The following NSMAF variants were observed in gnomAD, a reference collection of about 807,000 sequenced individuals.
NSMAF encodes neutral sphingomyelinase activation associated factor.
In NSMAF, 90 loss-of-function variants were observed where a neutral mutation model predicts 134.9. That is an observed-to-expected ratio of 0.67 (90% CI 0.56 to 0.79). NSMAF has a LOEUF of 0.79. NSMAF is among the 30% of genes least tolerant of loss of function. The probability of loss-of-function intolerance (pLI) is 0.00; values close to 1 mark genes in which losing one functional copy is unlikely to be tolerated. For missense variants in NSMAF, 1,010 were observed against 1,119.0 expected, an observed-to-expected ratio of 0.90 and a Z score of 1.39; for synonymous variants, 358 against 389.6, an observed-to-expected ratio of 0.92 and a Z score of 0.96.
At chr8:58,600,234 G>A (rs1453818670) in intron 16 of NSMAF, 10 of 568,978 alleles carry the variant, frequency 1.8e-5, no homozygotes, top group South Asian at 6.7e-5. Context: ...GTCACATGGC[G>A]GGAGTGGGCA....
At chr8:58,646,093 C>G (rs1190512985) in intron 1 of NSMAF, among the ~76,000 whole-genome samples, 1 of 152,068 alleles carries the variant, frequency 6.6e-6, no homozygotes, top group Non-Finnish European at 1.5e-5. Flanking sequence ...AAAAGTAACT[C>G]AAAAAATTAA....
intron 1 of NSMAF, among the ~76,000 whole-genome samples, chr8:58,643,614 C>T (rs1185633989): frequency 1.3e-5 from 2 of 151,916 alleles, no homozygotes; most frequent in African/African-American, 4.8e-5. Flanking sequence ...CTCAAGTAAC[C>T]TCCACCTCCC....
chr8:58,620,022 G>A lies in NSMAF; in HGVS notation c.557+3198C>T, dbSNP rs145137115. On this transcript the variant is annotated intron_variant, in intron 9 of 30. Transcript: ENST00000038176. ...CCAGAGACAAAGATACAGACGAATCGCCTAAATCTCCTTGATATAAGGCAA... is the reference window on the plus strand; with the variant it reads ...CCAGAGACAAAGATACAGACGAATCACCTAAATCTCCTTGATATAAGGCAA... Among the ~76,000 whole-genome samples, 278 of 152,250 alleles carry A rather than the reference G, an allele frequency of 1.8e-3. 1 individual carries two copies. Among genetic ancestry groups the A allele is most frequent in the Middle Eastern group, 6.8e-3 (2 of 294 alleles).
intron 26 of NSMAF, chr8:58,588,500 G>A (rs1409065173): frequency 5.9e-6 from 7 of 1,192,050 alleles, no homozygotes; most frequent in Non-Finnish European, 8.6e-6. Flanking sequence ...CAGGCTTCAC[G>A]AGATCGATTC....
chr8:58,619,537 A>T (rs2129143798), intron 9 of NSMAF, among the ~76,000 whole-genome samples: 1 of 152,326 alleles, frequency 6.6e-6, no homozygotes, highest in Non-Finnish European at 1.5e-5. Context: ...AAGATTTTGT[A>T]AATATAAAGA....
intron 24 of NSMAF, among the ~76,000 whole-genome samples, 190 bp downstream of exon 24, chr8:58,590,677 G>GT (rs1806001066): frequency 1.3e-5 from 2 of 152,204 alleles, no homozygotes; most frequent in East Asian, 3.9e-4. Context: ...AATCACAACA[G>GT]TAAGAGAAAG....
chr8:58,639,722 T>G (rs28819228), intron 2 of NSMAF, among the ~76,000 whole-genome samples: 82,748 of 151,980 alleles, frequency 0.54, 23,915 homozygotes, highest in African/African-American at 0.74. Context: ...ATTGATAGAT[T>G]AATGAATAAA....
In NSMAF at chr8:58,584,156, T is replaced by G. The variant is rs1805830901; in HGVS notation, c.2704A>C (p.Ile902Leu). 1 of 1,613,700 alleles carries G rather than the reference T, an allele frequency of 6.2e-7. No individual in the cohort carries two copies. The highest frequency in any genetic ancestry group is 8.5e-7 in the Non-Finnish European group (1 of 1,179,742). ...IWMNEQCSSI[I>L]TGGEDRQIIF... ...ATTTGTCTGTCTTCCCCTCCTGTGA[T>G]GATACTGCTACACTGTTCATTCATC... is the stretch of plus-strand genomic sequence containing the variant. Residue 902 changes from isoleucine (I) to leucine (L), a missense_variant, in exon 31 of 31, where the codon ATC (isoleucine) becomes CTC (leucine). Coordinates refer to ENST00000038176, the MANE Select transcript of NSMAF (RefSeq NM_003580.4).
At chr8:58,639,362 A>G (rs1807278294) in intron 2 of NSMAF, among the ~76,000 whole-genome samples, 1 of 152,166 alleles carries the variant, frequency 6.6e-6, no homozygotes, top group African/African-American at 2.4e-5. Context: ...GATCCTCAGC[A>G]GCCTTAATCA....
In NSMAF at chr8:58,635,191, G is replaced by A; in HGVS notation, c.331C>T (p.Gln111Ter). 6.2e-7 allele frequency: 1 copy of A among 1,607,698 alleles called. No homozygotes were observed. The highest frequency in any genetic ancestry group is 1.7e-4 in the Middle Eastern group (1 of 5,732). Residue 111 changes from glutamine (Q) to a stop codon, truncating the protein, a stop_gained and splice_region_variant, in exon 5 of 31, where the codon CAG becomes TAG. Coordinates refer to ENST00000038176, the MANE Select transcript of NSMAF (RefSeq NM_003580.4). LOFTEE classifies it high-confidence loss of function. ...KSGGISLIFS[Q>*]VYFIKEHNVV... is the part of the protein sequence containing the mutation. Reference sequence around the variant, plus strand: ...AAAAATATTTATTATGTGCTTACCTGACTGAAAATGAGTGAAATACCCCCA... The same window carrying A: ...AAAAATATTTATTATGTGCTTACCTAACTGAAAATGAGTGAAATACCCCCA...
At chr8:58,656,515 A>G (rs2129149178) in intron 1 of NSMAF, among the ~76,000 whole-genome samples, 1 of 152,304 alleles carries the variant, frequency 6.6e-6, no homozygotes, top group African/African-American at 2.4e-5. Flanking sequence ...TTTCAGATAA[A>G]TAATATACTT....
intron 28 of NSMAF, 98 bp from the exon 29 acceptor site, chr8:58,586,098 C>T: frequency 1.1e-6 from 1 of 927,016 alleles, no homozygotes; most frequent in Non-Finnish European, 1.7e-6. Flanking sequence ...CTAATCTCCA[C>T]ATTCGTTTTC....
At chr8:58,616,355 A>T (rs746031622) in intron 9 of NSMAF, among the ~76,000 whole-genome samples, 2 of 152,172 alleles carry the variant, frequency 1.3e-5, no homozygotes, top group Non-Finnish European at 2.9e-5. Flanking sequence ...ATAGATATAA[A>T]AATACTAGCA....
intron 14 of NSMAF, 53 bp downstream of exon 14, chr8:58,602,005 A>T (rs1806294115): frequency 2.2e-6 from 3 of 1,372,108 alleles, no homozygotes; most frequent in Non-Finnish European, 3.1e-6. Context: ...ATAAAAACAC[A>T]GGCCATGGCT....
At chr8:58,589,410 T>C (rs757321184) in intron 26 of NSMAF, 42 bp downstream of exon 26, 2 of 1,410,928 alleles carry the variant, frequency 1.4e-6, no homozygotes, top group Non-Finnish European at 1.9e-6. Context: ...ATATGCCATA[T>C]AGCACACCAA....
chr8:58,600,400 G>A (rs761865616), intron 16 of NSMAF, among the ~76,000 whole-genome samples: 11 of 151,954 alleles, frequency 7.2e-5, no homozygotes, highest in Non-Finnish European at 1.5e-4. Context: ...CAAGGCGGGT[G>A]GATCACGAAG....
intron 1 of NSMAF, 127 bp downstream of exon 1, chr8:58,659,446 C>T (rs1486648319): frequency 2.0e-6 from 3 of 1,494,168 alleles, no homozygotes; most frequent in East Asian, 5.5e-5. Flanking sequence ...GCCCTGGACA[C>T]GCGTCCGGCC....
intron 6 of NSMAF, among the ~76,000 whole-genome samples, chr8:58,628,757 AGTCCTTATCTCTC>A (rs1269116857): frequency 3.3e-5 from 5 of 152,136 alleles, no homozygotes; most frequent in African/African-American, 1.2e-4. Flanking sequence ...TATCTGGGAA[AGTCCTTATCTCTC>A]CATTTTTTTC....
chr8:58,599,081 G>A, intron 19 of NSMAF, 151 bp downstream of exon 19: 1 of 755,832 alleles, frequency 1.3e-6, no homozygotes, highest in Middle Eastern at 3.1e-4. Flanking sequence ...GGACGCTGGA[G>A]TCTGACAGAA....
Sources: gnomAD v4.1 joint callset for allele counts (sites outside exome capture counted in the v4.1 genomes callset) on GRCh38, gnomAD v4.1.1 for gene constraint, MANE v1.5 for transcripts, NCBI Gene and HGNC (gene_info 2026-07-23, HGNC 2026-07-21) for gene names.